The following AACS variants were observed in gnomAD, a reference collection of about 807,000 sequenced individuals.
The protein encoded by AACS is acetoacetyl-CoA synthetase.
AACS carries 69 observed loss-of-function variants against 83.1 expected under a neutral mutation model. The ratio of observed to expected loss-of-function variants is 0.83; its 90% confidence interval spans 0.68 to 1.01. The LOEUF is 1.01. Ranked by LOEUF, AACS falls within the 50% of genes least tolerant of loss-of-function variation. AACS has a pLI of 0.00. For missense variants in AACS, 866 were observed against 882.2 expected (o/e 0.98, Z 0.23); for synonymous variants, 333 against 343.4 (o/e 0.97, Z 0.33).
At chr12:125,066,252 C>A (rs1205456149) in intron 1 of AACS, among the ~76,000 whole-genome samples, 1 of 152,008 alleles carries the variant, frequency 6.6e-6, no homozygotes, top group Non-Finnish European at 1.5e-5. Flanking sequence ...ACACTCCCAG[C>A]CCCCAAACAG....
chr12:125,069,042 C>T (rs552886571), intron 1 of AACS, among the ~76,000 whole-genome samples: 1 of 152,268 alleles, frequency 6.6e-6, no homozygotes, highest in Non-Finnish European at 1.5e-5. Flanking sequence ...GGGGTTTCAC[C>T]ATATTGGCCA....
At chr12:125,131,512 T>G (rs1342917291) in intron 14 of AACS, among the ~76,000 whole-genome samples, 1 of 152,136 alleles carries the variant, frequency 6.6e-6, no homozygotes, top group East Asian at 1.9e-4. Context: ...ACACCCGGCC[T>G]TGTGTAAATT....
At chr12:125,070,842 G>A (rs762231906) in intron 1 of AACS, among the ~76,000 whole-genome samples, 1 of 152,206 alleles carries the variant, frequency 6.6e-6, no homozygotes, top group Non-Finnish European at 1.5e-5. Flanking sequence ...TCTGCCGTCT[G>A]GTTAGTTGTT....
chr12:125,106,950 G>C (rs971594674), intron 7 of AACS, among the ~76,000 whole-genome samples, 171 bp from the exon 8 acceptor site: 2 of 152,188 alleles, frequency 1.3e-5, no homozygotes, highest in African/African-American at 4.8e-5. Flanking sequence ...GAATCTCTGA[G>C]ATCTAACTGC....
intron 8 of AACS, among the ~76,000 whole-genome samples, chr12:125,114,251 C>T (rs1457356046): frequency 7.2e-5 from 11 of 152,128 alleles, no homozygotes; most frequent in Non-Finnish European, 1.6e-4. Flanking sequence ...GTTTTCCTCT[C>T]CAGACTACAA....
In AACS at chr12:125,065,837, G is replaced by A. The variant is rs190028973; in HGVS notation, c.133+120G>A. ...GGGCTGGAGGAGCCACTTGATGGCG[G>A]GGAGGCCTTCTGACTGCGGGGTTCC... On this transcript the variant is annotated intron_variant, in intron 1 of 17. Transcript: ENST00000316519. The A allele has an allele frequency of 1.2e-4, 158 of 1,359,110 alleles. 1 individual carries two copies. In the East Asian group the frequency reaches 3.1e-3, roughly 26 times the overall value. 84.2% of individuals were successfully genotyped at this position (1,359,110 alleles called of 1,614,324 possible).
chr12:125,083,652 TTTTG>T (rs769414215), intron 3 of AACS, among the ~76,000 whole-genome samples: 14 of 151,996 alleles, frequency 9.2e-5, no homozygotes, highest in East Asian at 3.9e-4. Context: ...AAGTGAATTT[TTTTG>T]TTTGTTTGTT....
intron 4 of AACS, among the ~76,000 whole-genome samples, chr12:125,088,672 T>A (rs1337706088): frequency 6.6e-6 from 1 of 152,182 alleles, no homozygotes; most frequent in Non-Finnish European, 1.5e-5. Flanking sequence ...AATTCTCATT[T>A]AAAAAAATCT....
chr12:125,066,770 T>C (rs901425747), intron 1 of AACS, among the ~76,000 whole-genome samples: 10 of 152,014 alleles, frequency 6.6e-5, no homozygotes, highest in African/African-American at 2.4e-4. Context: ...TTTTAACTCA[T>C]GGTCTCCCCT....
intron 4 of AACS, among the ~76,000 whole-genome samples, chr12:125,090,253 CCATT>C (rs1956448570): frequency 1.3e-5 from 2 of 151,584 alleles, no homozygotes; most frequent in African/African-American, 4.9e-5. Flanking sequence ...CATCATCTAC[CCATT>C]CATCCATCCA....
At position 125,107,263 on chromosome 12, in the gene AACS, G is replaced by T; in HGVS notation, c.910G>T (p.Ala304Ser). Reference sequence around the variant, plus strand: ...CGCACCCAAGTGCATGGTGCATTCCGCTGGGGTAGGTCTCTGGGGAAGGCT... The same window carrying T: ...CGCACCCAAGTGCATGGTGCATTCCTCTGGGGTAGGTCTCTGGGGAAGGCT... ...TGAPKCMVHS[A>S]GGTLIQHLKE... is the part of the protein sequence containing the mutation. Residue 304 changes from alanine to serine, a missense_variant, in exon 8 of 18, where the codon GCT (alanine) becomes TCT (serine). Coordinates refer to ENST00000316519, the MANE Select transcript of AACS (RefSeq NM_023928.5). 2.5e-6 allele frequency: 4 copies of T among 1,613,410 alleles called. No homozygotes were observed. The highest frequency in any genetic ancestry group is 2.5e-6 in the Non-Finnish European group (3 of 1,179,916).
At chr12:125,098,887 G>A (rs750826610) in intron 5 of AACS, among the ~76,000 whole-genome samples, 10 of 152,242 alleles carry the variant, frequency 6.6e-5, no homozygotes, top group Admixed American at 2.0e-4. Context: ...TTTGTGTGCA[G>A]CTGTTCCCAT....
chr12:125,091,327 C>T (rs1369091174), intron 4 of AACS, 99 bp from the exon 5 acceptor site: 1 of 1,228,322 alleles, frequency 8.1e-7, no homozygotes, highest in African/African-American at 1.5e-5. Context: ...AGGCCAGCCC[C>T]CTTCCCACTC....
chr12:125,100,130 C>G (rs1230542168), intron 5 of AACS, among the ~76,000 whole-genome samples: 3 of 152,256 alleles, frequency 2.0e-5, no homozygotes, highest in Non-Finnish European at 4.4e-5. Flanking sequence ...ATCCTCCCCA[C>G]TCAGCCTCCC....
chr12:125,072,261 G>A (rs750187017), intron 1 of AACS, among the ~76,000 whole-genome samples: 5 of 151,640 alleles, frequency 3.3e-5, no homozygotes, highest in Admixed American at 1.3e-4. Flanking sequence ...GGGCTAAAGC[G>A]ATCCTCTCAG....
chr12:125,111,415 T>A (rs913170457), intron 8 of AACS, among the ~76,000 whole-genome samples: 2 of 152,254 alleles, frequency 1.3e-5, no homozygotes, highest in Admixed American at 6.5e-5. Context: ...GTCATTTTTT[T>A]AAGAGGAGCA....
At chr12:125,103,457 G>GCA (rs10646645) in intron 7 of AACS, among the ~76,000 whole-genome samples, 79,691 of 151,852 alleles carry the variant, frequency 0.52, 21,247 homozygotes, top group African/African-American at 0.63. Context: ...ACACGACAAG[G>GCA]CACACATATC....
intron 3 of AACS, among the ~76,000 whole-genome samples, chr12:125,085,746 T>TAA (rs1056343913): frequency 6.8e-6 from 1 of 147,150 alleles, no homozygotes; most frequent in Non-Finnish European, 1.5e-5. Context: ...AATCTGTAAT[T>TAA]AAAAAAAAAA....
At chr12:125,078,344 A>G (rs888190727) in intron 3 of AACS, 2 of 456,142 alleles carry the variant, frequency 4.4e-6, no homozygotes, top group Non-Finnish European at 8.8e-6. Context: ...GCCATGGAGC[A>G]ACGTCTCGAC....
Sources: gnomAD v4.1 joint callset for allele counts (sites outside exome capture counted in the v4.1 genomes callset) on GRCh38, gnomAD v4.1.1 for gene constraint, MANE v1.5 for transcripts, NCBI Gene and HGNC (gene_info 2026-07-23, HGNC 2026-07-21) for gene names.